Variants in NXN observed in about 807,000 individuals in gnomAD.
NXN encodes nucleoredoxin.
Under a neutral mutation model 48.6 loss-of-function variants are expected in NXN, and 16 were observed. The ratio of observed to expected loss-of-function variants is 0.33; its 90% CI spans 0.22 to 0.50. The LOEUF (loss-of-function observed/expected upper bound fraction) is 0.50. Ranked by LOEUF, NXN falls within the 20% of genes least tolerant of loss-of-function variation. The pLI is 0.98. For synonymous variants in NXN, 281 were observed against 269.6 expected (o/e 1.04, Z -0.41); for missense variants, 492 against 605.5 (o/e 0.81, Z 1.97).
intron 3 of NXN, among the ~76,000 whole-genome samples, chr17:822,973 G>A (rs549565386): frequency 3.9e-5 from 6 of 151,930 alleles, no homozygotes; most frequent in Non-Finnish European, 7.4e-5. Context: ...GGTAGTGTGC[G>A]CCTGGAGCCC....
chr17:887,063 C>T (rs72812021), intron 1 of NXN, among the ~76,000 whole-genome samples: 17,602 of 151,628 alleles, frequency 0.12, 1,274 homozygotes, highest in Middle Eastern at 0.17. Context: ...CGTGAACCAC[C>T]ACACTTGGCT....
rs547973596 is a variant in NXN at position 869,612 on chromosome 17, T to G, written c.361-43534A>C. Among the ~76,000 whole-genome samples the G allele has an allele frequency of 7.9e-5, 12 of 152,364 alleles. No individual in the cohort carries two copies. In the East Asian group the frequency reaches 1.7e-3, roughly 22 times the overall value. On this transcript the variant is annotated intron_variant, in intron 1 of 7. Transcript: ENST00000336868. The stretch of plus-strand genomic sequence containing the variant: ...AGATACTGTAAGAATCGCTGACATA[T>G]GTAGGTTTCAATGAAATCACTCAGG...
At chr17:918,017 C>A (rs866739675) in intron 1 of NXN, among the ~76,000 whole-genome samples, 1 of 152,174 alleles carries the variant, frequency 6.6e-6, no homozygotes, top group Non-Finnish European at 1.5e-5. Context: ...AAAACTCACT[C>A]CGTATTTGCA....
rs970795269 is a variant in NXN, at chr17:960,607, T to C, written c.360+18712A>G. 7.7e-5 allele frequency among the ~76,000 whole-genome samples: 3 copies of C among 38,822 alleles called. No homozygotes were observed. The Non-Finnish European group carries it at 1.3e-3, about 17-fold the overall frequency. The allele number at this position is 38,822 out of a possible 152,430, so 25.5% of individuals were successfully genotyped here. On this transcript the variant is annotated intron_variant, in intron 1 of 7. Transcript: ENST00000336868. ...GATGCTTCCACCTCAGCATCCTGAG[T>C]AGCTGAACTACAGGCACACACCACC...
intron 1 of NXN, among the ~76,000 whole-genome samples, chr17:943,371 G>A (rs1187019786): frequency 1.3e-5 from 2 of 152,060 alleles, no homozygotes; most frequent in African/African-American, 4.8e-5. Flanking sequence ...CTGGCCAGAG[G>A]GTTCTAAGGT....
Position 861,820 on chromosome 17 carries a change from G to A in NXN, c.361-35742C>T, listed in dbSNP as rs143734063. On this transcript the variant is annotated intron_variant, in intron 1 of 7. Transcript: ENST00000336868. Reference sequence around the variant, plus strand: ...AAAAAATGGAGTGGAAGAACATGAGGGGCTCTTTTTTTGTTTTTTCTTTTA... The same window carrying A: ...AAAAAATGGAGTGGAAGAACATGAGAGGCTCTTTTTTTGTTTTTTCTTTTA... Among the ~76,000 whole-genome samples, 507 of 151,494 alleles carry A rather than the reference G, an allele frequency of 3.3e-3. 5 individuals are homozygous for A. The highest frequency in any genetic ancestry group is 0.012 in the African/African-American group (481 of 41,096).
In NXN at chr17:799,476, G is replaced by C. The variant is rs1441860242; in HGVS notation, c.*1473C>G. The C allele has an allele frequency of 6.6e-6, 1 of 152,242 alleles. No individual in the cohort carries two copies. Among genetic ancestry groups the C allele is most frequent in the Non-Finnish European group, 1.5e-5 (1 of 68,070 alleles). The allele number at this position is 152,242 out of a possible 1,614,324, so 9.4% of individuals were successfully genotyped here. ...CAAGTCAACAATCCAATTCAGCAAG[G>C]AACAACAGTGTCAACAGCTCATTAG... On this transcript the variant is annotated 3_prime_UTR_variant, in exon 8 of 8. Transcript: ENST00000336868.
intron 1 of NXN, among the ~76,000 whole-genome samples, chr17:885,671 G>A (rs1349499640): frequency 2.8e-5 from 2 of 70,274 alleles, no homozygotes; most frequent in Non-Finnish European, 5.3e-5. Context: ...TGCGGTACTC[G>A]CTTTTTTTTT....
chr17:857,971 C>CTT (rs57517105), intron 1 of NXN, among the ~76,000 whole-genome samples: 15,251 of 140,600 alleles, frequency 0.11, 938 homozygotes, highest in Middle Eastern at 0.24. Flanking sequence ...AGATATAAAT[C>CTT]TTTTTTTTTT....
intron 5 of NXN, among the ~76,000 whole-genome samples, chr17:809,660 G>C (rs1983707): frequency 9.9e-5 from 15 of 152,122 alleles, no homozygotes; most frequent in African/African-American, 3.6e-4. Context: ...CAGGTTCTAG[G>C]ACAGAAAGAG....
At chr17:868,054 T>C (rs1375233027) in intron 1 of NXN, among the ~76,000 whole-genome samples, 1 of 152,184 alleles carries the variant, frequency 6.6e-6, no homozygotes, top group Non-Finnish European at 1.5e-5. Context: ...ACATGTGTTG[T>C]GCTCCAGCAG....
intron 1 of NXN, among the ~76,000 whole-genome samples, chr17:973,284 G>A (rs997924286): frequency 6.6e-5 from 10 of 152,282 alleles, no homozygotes; most frequent in African/African-American, 1.4e-4. Context: ...TAGAGGTGGC[G>A]TTTCTACAGC....
chr17:900,230 C>T (rs935738098), intron 1 of NXN, among the ~76,000 whole-genome samples: 1 of 152,022 alleles, frequency 6.6e-6, no homozygotes, highest in Non-Finnish European at 1.5e-5. Context: ...TGCGCCATTG[C>T]ACTCCAGCCT....
intron 1 of NXN, among the ~76,000 whole-genome samples, chr17:969,683 C>T (rs986752761): frequency 2.6e-5 from 4 of 152,086 alleles, no homozygotes; most frequent in East Asian, 1.9e-4. Flanking sequence ...GACCTGATCA[C>T]GTTTAACGGG....
At chr17:882,085 T>C (rs1334627526) in intron 1 of NXN, among the ~76,000 whole-genome samples, 1 of 152,122 alleles carries the variant, frequency 6.6e-6, no homozygotes. Flanking sequence ...TGAATTTTAT[T>C]GTGTTAAATT....
At chr17:840,280 A>G (rs775267286) in intron 1 of NXN, among the ~76,000 whole-genome samples, 1 of 152,144 alleles carries the variant, frequency 6.6e-6, no homozygotes, top group Non-Finnish European at 1.5e-5. Flanking sequence ...TCCAGATAGA[A>G]GGACCAGGGG....
intron 1 of NXN, among the ~76,000 whole-genome samples, chr17:885,801 C>T (rs1198417543): frequency 4.0e-5 from 6 of 150,410 alleles, no homozygotes; most frequent in African/African-American, 1.5e-4. Context: ...CTGTCTCAGC[C>T]TCCCGAGTAG....
chr17:866,153 G>A (rs1195251952), intron 1 of NXN, among the ~76,000 whole-genome samples: 3 of 152,286 alleles, frequency 2.0e-5, no homozygotes, highest in African/African-American at 2.4e-5. Flanking sequence ...AAAGCAGGTC[G>A]GCTATGCCGA....
rs1167755610 is a variant in NXN, at chr17:822,444, C to T, written c.626G>A (p.Arg209Gln). The T allele has an allele frequency of 1.9e-6, 3 of 1,613,702 alleles. No individual in the cohort carries two copies. The highest frequency in any genetic ancestry group is 1.3e-5 in the African/African-American group (1 of 74,882). ...YFSAHWCPPCRSLTRVLVESY... is the reference protein window; with the variant it reads ...YFSAHWCPPCQSLTRVLVESY... ...TTCCACCAGGACCCGGGTGAGGCTT[C>T]GGCAGGGCGGACACTGAAAGACAGG... is the stretch of plus-strand genomic sequence containing the variant. Residue 209 changes from arginine (R) to glutamine (Q), a missense_variant, in exon 4 of 8, where the codon CGA becomes CAA. Arg to Gln is a conservative substitution (Grantham distance 43). Coordinates refer to ENST00000336868, the MANE Select transcript of NXN (RefSeq NM_022463.5).
Sources: gnomAD v4.1 joint callset for allele counts (sites outside exome capture counted in the v4.1 genomes callset) on GRCh38, gnomAD v4.1.1 for gene constraint, MANE v1.5 for transcripts, NCBI Gene and HGNC (gene_info 2026-07-23, HGNC 2026-07-21) for gene names.